The following PCDHGA7 variants were observed in gnomAD, a reference collection of about 807,000 sequenced individuals.
The protein encoded by PCDHGA7 is protocadherin gamma subfamily A, 7.
PCDHGA7 carries 44 observed loss-of-function variants against 58.3 expected under a neutral mutation model. That is an observed-to-expected ratio of 0.75 (90% confidence interval 0.59 to 0.97). PCDHGA7 has a LOEUF of 0.97. Among genes scored for constraint, PCDHGA7 ranks in the 50% least tolerant of loss-of-function variants. PCDHGA7 has a pLI of 0.00. For synonymous variants in PCDHGA7, 516 were observed against 504.2 expected (o/e 1.02, Z -0.31); for missense variants, 1,266 against 1,188.7 (o/e 1.06, Z -0.96).
At chr5:141,509,310 G>A (rs1223508453) in intron 3 of PCDHGA7, among the ~76,000 whole-genome samples, 2 of 152,174 alleles carry the variant, frequency 1.3e-5, no homozygotes, top group Non-Finnish European at 1.5e-5. Flanking sequence ...GAGGGAGGCT[G>A]GGAGAGAAGC....
intron 1 of PCDHGA7, chr5:141,398,838 T>C: frequency 6.2e-7 from 1 of 1,613,946 alleles, no homozygotes; most frequent in Non-Finnish European, 8.5e-7. Context: ...ACGCCAATGA[T>C]AATCCCCCGG....
intron 3 of PCDHGA7, among the ~76,000 whole-genome samples, chr5:141,509,693 G>A (rs72790076): frequency 0.024 from 3,613 of 152,246 alleles, 55 homozygotes; most frequent in East Asian, 0.046. Flanking sequence ...ACAGTGGGAC[G>A]TTGGACTGGA....
At chr5:141,495,014 G>A (rs561045298) in intron 2 of PCDHGA7, 149 bp downstream of exon 2, 13 of 1,510,430 alleles carry the variant, frequency 8.6e-6, no homozygotes, top group South Asian at 7.5e-5. Flanking sequence ...GCGGGGGGCT[G>A]GCACACAGAC....
At chr5:141,445,134 A>T (rs900226020) in intron 1 of PCDHGA7, among the ~76,000 whole-genome samples, 1 of 152,198 alleles carries the variant, frequency 6.6e-6, no homozygotes, top group East Asian at 1.9e-4. Context: ...TTAAAATTGT[A>T]TCTTCTAATT....
chr5:141,427,697 A>G (rs1306378691), intron 1 of PCDHGA7: 3 of 924,392 alleles, frequency 3.2e-6, no homozygotes, highest in South Asian at 1.4e-5. Context: ...CCATCCCACA[A>G]GTCAGCGCCT....
At chr5:141,504,660 C>T (rs1002186811) in intron 2 of PCDHGA7, among the ~76,000 whole-genome samples, 8 of 101,980 alleles carry the variant, frequency 7.8e-5, no homozygotes, top group Admixed American at 5.7e-4. Flanking sequence ...TGTTTGAGGG[C>T]GGGGGGTGGG....
Position 141,384,271 on chromosome 5 carries a change from T to G in PCDHGA7, c.1372T>G (p.Ser458Ala), listed in dbSNP as rs763450732. The change falls in exon 1 of 4, where the codon TCA (serine) becomes GCA (alanine). Residue 458 changes from serine to alanine, a missense_variant. By Grantham distance (99) the Ser-to-Ala change is moderately conservative. Coordinates refer to ENST00000518325, the MANE Select transcript of PCDHGA7 (RefSeq NM_018920.4). ...NPPTFPHSSYSVYIAENNPRG... is the reference protein window; with the variant it reads ...NPPTFPHSSYAVYIAENNPRG... ...ACCCACCTTCCCCCACTCATCCTAC[T>G]CAGTCTACATCGCTGAGAACAACCC... is the stretch of plus-strand genomic sequence containing the variant. The G allele has an allele frequency of 4.0e-5, 65 of 1,613,734 alleles. No individual in the cohort carries two copies. The Admixed American group carries it at 5.7e-4, about 14-fold the overall frequency.
intron 1 of PCDHGA7, 144 bp from the exon 2 acceptor site, chr5:141,494,663 G>A: frequency 6.7e-7 from 1 of 1,499,356 alleles, no homozygotes; most frequent in Non-Finnish European, 9.0e-7. Flanking sequence ...TGTCTTTGGA[G>A]ATGAGTCCAC....
intron 3 of PCDHGA7, among the ~76,000 whole-genome samples, chr5:141,508,989 G>A (rs900798347): frequency 1.3e-5 from 2 of 152,110 alleles, no homozygotes; most frequent in Non-Finnish European, 2.9e-5. Flanking sequence ...GGGGCCAGCT[G>A]GGGTAGGAGA....
intron 1 of PCDHGA7, among the ~76,000 whole-genome samples, chr5:141,425,555 A>T (rs1282440598): frequency 6.6e-6 from 1 of 152,270 alleles, no homozygotes; most frequent in African/African-American, 2.4e-5. Flanking sequence ...AACCTCTTTT[A>T]TAAGTGATAA....
At chr5:141,389,724 C>A in intron 1 of PCDHGA7, 3 of 1,612,722 alleles carry the variant, frequency 1.9e-6, no homozygotes, top group African/African-American at 1.3e-5. Context: ...CGAGCCCGGG[C>A]TCTTCAGCCT....
At chr5:141,418,441 A>G (rs2096258419) in intron 1 of PCDHGA7, 3 of 1,614,000 alleles carry the variant, frequency 1.9e-6, no homozygotes, top group South Asian at 1.1e-5. Flanking sequence ...ATCCAGAATT[A>G]GTATTGCAGA....
chr5:141,500,394 A>G (rs1024641290), intron 2 of PCDHGA7, among the ~76,000 whole-genome samples: 1 of 151,922 alleles, frequency 6.6e-6, no homozygotes, highest in Non-Finnish European at 1.5e-5. Flanking sequence ...TATTTTTAGT[A>G]GAGACGGGGT....
chr5:141,455,787 C>T (rs1259121501), intron 1 of PCDHGA7, among the ~76,000 whole-genome samples: 2 of 152,004 alleles, frequency 1.3e-5, no homozygotes, highest in Non-Finnish European at 2.9e-5. Flanking sequence ...GAAACTTTTC[C>T]GGAGATGCTT....
At chr5:141,414,220 C>T in intron 1 of PCDHGA7, 1 of 1,613,094 alleles carries the variant, frequency 6.2e-7, no homozygotes, top group Non-Finnish European at 8.5e-7. Flanking sequence ...TGACAACAGT[C>T]CAGAGCTGAC....
At chr5:141,419,405 G>T (rs1219399978) in intron 1 of PCDHGA7, 1 of 1,613,512 alleles carries the variant, frequency 6.2e-7, no homozygotes, top group South Asian at 1.1e-5. Context: ...GGTGGTGTTC[G>T]CGCAGCGCGC....
chr5:141,465,836 A>G (rs974075792), intron 1 of PCDHGA7, among the ~76,000 whole-genome samples: 1 of 151,774 alleles, frequency 6.6e-6, no homozygotes, highest in East Asian at 1.9e-4. Context: ...TAAAATTTCA[A>G]CTGAGGCTGG....
intron 1 of PCDHGA7, chr5:141,398,503 A>G (rs2093664041): frequency 1.9e-6 from 3 of 1,601,316 alleles, no homozygotes; most frequent in Non-Finnish European, 1.7e-6. Flanking sequence ...GATCGAGGAC[A>G]TTAATGACCA....
chr5:141,390,152 TAC>T, intron 1 of PCDHGA7: 2 of 1,614,054 alleles, frequency 1.2e-6, no homozygotes, highest in Non-Finnish European at 1.7e-6. Flanking sequence ...GTGTTGCACA[TAC>T]AGGAAAGACG....
Sources: gnomAD v4.1 joint callset for allele counts (sites outside exome capture counted in the v4.1 genomes callset) on GRCh38, gnomAD v4.1.1 for gene constraint, MANE v1.5 for transcripts, NCBI Gene and HGNC (gene_info 2026-07-23, HGNC 2026-07-21) for gene names.